ASIC2: variants seen among roughly 807,000 people sequenced by gnomAD.
ASIC2 encodes the protein acid sensing ion channel subunit 2.
Under a neutral mutation model 57.3 loss-of-function variants are expected in ASIC2, and 25 were observed. The observed-to-expected ratio is 0.44, with a 90% CI of 0.32 to 0.61. The LOEUF is 0.61. Among genes scored for constraint, ASIC2 ranks in the 20% least tolerant of loss-of-function variants. The pLI, the probability that ASIC2 is intolerant of heterozygous loss-of-function variation, is 0.06. For missense variants in ASIC2, 641 were observed against 738.1 expected (o/e 0.87, Z 1.52); for synonymous variants, 319 against 307.5 (o/e 1.04, Z -0.39).
chr17:33,605,013 TTCTCTCTC>T (rs5820054), intron 1 of ASIC2, among the ~76,000 whole-genome samples: 12 of 148,122 alleles, frequency 8.1e-5, no homozygotes, highest in East Asian at 2.0e-4. Context: ...TATTACTTCA[TTCTCTCTC>T]TCTCTCTCTC....
intron 3 of ASIC2, among the ~76,000 whole-genome samples, chr17:33,035,982 T>C (rs1263739681): frequency 6.6e-6 from 1 of 152,194 alleles, no homozygotes; most frequent in Admixed American, 6.5e-5. Flanking sequence ...CCTTAGAACT[T>C]TGAAATGCCC....
At chr17:33,498,600 G>A (rs561253211) in intron 1 of ASIC2, among the ~76,000 whole-genome samples, 14 of 143,434 alleles carry the variant, frequency 9.8e-5, no homozygotes, top group Admixed American at 1.4e-4. Context: ...TTGAATGCAC[G>A]GAGCTGCTCG....
chr17:33,924,400 G>T (rs903945420), intron 1 of ASIC2, among the ~76,000 whole-genome samples: 1 of 152,196 alleles, frequency 6.6e-6, no homozygotes, highest in Non-Finnish European at 1.5e-5. Context: ...CATGGAGTCC[G>T]CCAGGTGTGG....
intron 1 of ASIC2, among the ~76,000 whole-genome samples, chr17:33,403,158 C>G (rs1395939794): frequency 6.6e-6 from 1 of 152,204 alleles, no homozygotes; most frequent in Non-Finnish European, 1.5e-5. Flanking sequence ...GCAGGGCTCA[C>G]CAAGAGTTCA....
At chr17:33,165,960 A>G (rs1273206204) in intron 1 of ASIC2, among the ~76,000 whole-genome samples, 1 of 152,146 alleles carries the variant, frequency 6.6e-6, no homozygotes, top group African/African-American at 2.4e-5. Context: ...GGTAAAAGAT[A>G]TACATTAAAG....
chr17:33,557,206 T>TACTA (rs774961295), intron 1 of ASIC2, among the ~76,000 whole-genome samples: 18 of 152,200 alleles, frequency 1.2e-4, no homozygotes, highest in African/African-American at 4.3e-4. Context: ...ATTTTACAAA[T>TACTA]GTTAAGTAAC....
intron 1 of ASIC2, among the ~76,000 whole-genome samples, chr17:34,086,636 G>A (rs1910122234): frequency 6.6e-6 from 1 of 152,102 alleles, no homozygotes; most frequent in Admixed American, 6.5e-5. Flanking sequence ...GTTGACAGTG[G>A]GGTGTTAAAG....
upstream of ASIC2, among the ~76,000 whole-genome samples, chr17:33,293,511 C>A (rs1170428103): frequency 6.6e-6 from 1 of 152,106 alleles, no homozygotes; most frequent in Non-Finnish European, 1.5e-5. Flanking sequence ...GGTGTATGGG[C>A]TTGTGGGAGA....
chr17:33,088,803 C>CCT, intron 3 of ASIC2, 60 bp downstream of exon 3: 1 of 1,516,826 alleles, frequency 6.6e-7, no homozygotes, highest in Admixed American at 2.3e-5. Flanking sequence ...CCTCCTTGTG[C>CCT]CTCTGCAGGG....
chr17:33,489,056 G>C (rs752177212), intron 1 of ASIC2, among the ~76,000 whole-genome samples: 2 of 152,130 alleles, frequency 1.3e-5, no homozygotes, highest in Non-Finnish European at 2.9e-5. Context: ...TCCAGCCTAA[G>C]AGAAGAGACC....
chr17:33,016,048 A>G lies in ASIC2; in HGVS notation c.1522-9T>C. 6.2e-7 allele frequency: 1 copy of G among 1,613,658 alleles called. No individual in the cohort carries two copies. The highest frequency in any genetic ancestry group is 1.1e-5 in the South Asian group (1 of 91,066). ...AGCTTCTCTTTGATCAGCTGCAAGA[A>G]AAGCAGGAAGGGGTTGGTCAGGCCG... On this transcript the variant is annotated splice_polypyrimidine_tract_variant and intron_variant, in intron 8 of 9. Transcript: ENST00000225823.
chr17:33,530,861 G>A (rs1461273081), intron 1 of ASIC2, among the ~76,000 whole-genome samples: 1 of 152,156 alleles, frequency 6.6e-6, no homozygotes, highest in Non-Finnish European at 1.5e-5. Flanking sequence ...AGGTTTTCGA[G>A]TTCCTGCTCT....
intron 3 of ASIC2, among the ~76,000 whole-genome samples, chr17:33,045,369 C>T (rs1429497731): frequency 2.0e-5 from 3 of 152,280 alleles, no homozygotes; most frequent in Non-Finnish European, 4.4e-5. Context: ...ATTTCTTGGG[C>T]GAGTGCTGTC....
At chr17:33,567,271 C>G (rs903872369) in intron 1 of ASIC2, among the ~76,000 whole-genome samples, 1 of 151,966 alleles carries the variant, frequency 6.6e-6, no homozygotes, top group African/African-American at 2.4e-5. Flanking sequence ...GCAGAGGGAA[C>G]AGAAAGGTGA....
intron 1 of ASIC2, among the ~76,000 whole-genome samples, chr17:33,899,313 G>T (rs983631272): frequency 6.6e-6 from 1 of 152,134 alleles, no homozygotes; most frequent in African/African-American, 2.4e-5. Context: ...GCTGAACCGT[G>T]GGGTGGACCC....
At chr17:33,788,694 A>G (rs8071358) in intron 1 of ASIC2, among the ~76,000 whole-genome samples, 86,457 of 152,066 alleles carry the variant, frequency 0.57, 25,704 homozygotes, top group Non-Finnish European at 0.66. Flanking sequence ...AATGTGGTAC[A>G]TATACACCAT....
At chr17:33,219,447 T>C (rs1014754223) in intron 1 of ASIC2, among the ~76,000 whole-genome samples, 9 of 152,244 alleles carry the variant, frequency 5.9e-5, no homozygotes, top group Non-Finnish European at 1.0e-4. Flanking sequence ...ACAGGTCCAC[T>C]CTCAGCATGT....
chr17:33,809,938 A>G (rs931225383), intron 1 of ASIC2, among the ~76,000 whole-genome samples: 3 of 152,202 alleles, frequency 2.0e-5, no homozygotes, highest in Admixed American at 6.5e-5. Context: ...AAACTGAGCT[A>G]TCTCCACCTG....
At position 33,307,276 on chromosome 17, in the gene ASIC2, CCTTCTTCTTCTT is replaced by C. The variant is rs112981249; in HGVS notation, c.556-195221_556-195210del. On this transcript the variant is annotated intron_variant, in intron 1 of 9. Transcript: ENST00000359872. ...TCCTCCTTCTCTTCCTCCTCCTCTT[CCTTCTTCTTCTT>C]CTTCTTCTTCTTCTTCTTTTTCTTC... Among the ~76,000 whole-genome samples, 41 of 147,690 alleles carry C rather than the reference CCTTCTTCTTCTT, an allele frequency of 2.8e-4. No individual in the cohort carries two copies. The East Asian group carries it at 3.8e-3, about 14-fold the overall frequency.
Sources: allele counts gnomAD v4.1 joint callset (sites outside exome capture counted in the v4.1 genomes callset), GRCh38; gene constraint gnomAD v4.1.1; transcripts MANE v1.5; gene names NCBI Gene and HGNC (gene_info 2026-07-23, HGNC 2026-07-21).